The following TCF25 variants were observed in gnomAD, a reference collection of about 807,000 sequenced individuals.
The protein encoded by TCF25 is TCF25 ribosome quality control complex subunit, also known as ribosome quality control complex subunit TCF25.
In TCF25, 41 loss-of-function variants were observed where a neutral mutation model predicts 83.1. The observed-to-expected ratio is 0.49, with a 90% CI of 0.38 to 0.64. The LOEUF is 0.64. Among genes scored for constraint, TCF25 ranks in the 30% least tolerant of loss-of-function variants. The pLI is 0.00. For missense variants in TCF25, 979 were observed against 914.5 expected (o/e 1.07, Z -0.91); for synonymous variants, 458 against 365.0 (o/e 1.25, Z -2.90).
chr16:89,890,865 T>C (rs2043373523), intron 5 of TCF25, among the ~76,000 whole-genome samples: 1 of 152,170 alleles, frequency 6.6e-6, no homozygotes, highest in African/African-American at 2.4e-5. Context: ...TTTTTGTTTA[T>C]TTATTTCTTT....
At chr16:89,910,234 C>T (rs1176041842) in intron 16 of TCF25, 6 of 302,518 alleles carry the variant, frequency 2.0e-5, no homozygotes, top group East Asian at 7.9e-5. Flanking sequence ...TCTGCCTTTG[C>T]GTAAGGAGTG....
intron 2 of TCF25, among the ~76,000 whole-genome samples, chr16:89,884,338 G>A (rs1047159305): frequency 6.6e-6 from 1 of 152,162 alleles, no homozygotes; most frequent in Non-Finnish European, 1.5e-5. Flanking sequence ...ACCTGGTCAG[G>A]GTCCTGTGAG....
chr16:89,875,820 CTTTTTTTTTTTTTTT>C (rs1164528945), intron 1 of TCF25, among the ~76,000 whole-genome samples: 2 of 64,836 alleles, frequency 3.1e-5, no homozygotes, highest in African/African-American at 5.7e-5. Context: ...CTGCGCCTGG[CTTTTTTTTTTTTTTT>C]TTTTTTTTTT....
At chr16:89,904,828 C>T in intron 13 of TCF25, 110 bp from the exon 14 acceptor site, 1 of 1,369,752 alleles carries the variant, frequency 7.3e-7, no homozygotes, top group Non-Finnish European at 1.0e-6. Flanking sequence ...CACTCCAGGC[C>T]ACAGGGCACT....
At chr16:89,910,505 C>T in intron 16 of TCF25, 86 bp from the exon 17 acceptor site, 1 of 1,407,662 alleles carries the variant, frequency 7.1e-7, no homozygotes, top group Non-Finnish European at 1.0e-6. Flanking sequence ...GCGAGGGAGG[C>T]AGCTGGCAGG....
chr16:89,900,027 G>T (rs1005334007), intron 11 of TCF25, among the ~76,000 whole-genome samples: 16 of 152,222 alleles, frequency 1.1e-4, no homozygotes, highest in African/African-American at 3.6e-4. Flanking sequence ...TCACAAAAAT[G>T]TAGGTGCAGG....
At chr16:89,891,971 G>A (rs563861696) in intron 5 of TCF25, among the ~76,000 whole-genome samples, 282 of 152,178 alleles carry the variant, frequency 1.9e-3, no homozygotes, top group African/African-American at 6.2e-3. Flanking sequence ...TGCCCAGCCA[G>A]AATTGTTTCT....
chr16:89,895,304 T>C (rs2043763022), intron 8 of TCF25, among the ~76,000 whole-genome samples, 167 bp downstream of exon 8: 1 of 152,196 alleles, frequency 6.6e-6, no homozygotes. Flanking sequence ...TTTTGTTTGT[T>C]GGTGTTTAAT....
At chr16:89,899,353 C>T (rs1226126436) in intron 11 of TCF25, among the ~76,000 whole-genome samples, 1 of 152,180 alleles carries the variant, frequency 6.6e-6, no homozygotes, top group African/African-American at 2.4e-5. Flanking sequence ...CTAACACAGA[C>T]ACGTGTTGGA....
intron 8 of TCF25, 35 bp downstream of exon 8, chr16:89,895,172 G>A (rs1159386339): frequency 3.2e-6 from 5 of 1,586,144 alleles, no homozygotes; most frequent in Non-Finnish European, 4.3e-6. Context: ...CCCCTCAGCT[G>A]TGGGAGCACC....
At chr16:89,907,736 C>T (rs1226098442) in intron 16 of TCF25, among the ~76,000 whole-genome samples, 7 of 120,452 alleles carry the variant, frequency 5.8e-5, no homozygotes, top group East Asian at 2.5e-4. Flanking sequence ...CTTCCAGCTC[C>T]CGCCTCCCAC....
intron 12 of TCF25, 166 bp downstream of exon 12, chr16:89,900,960 C>T (rs184481014): frequency 2.8e-5 from 22 of 782,040 alleles, no homozygotes; most frequent in East Asian, 2.5e-4. Flanking sequence ...GAAAGAGGGT[C>T]GGCTCATCTC....
intron 13 of TCF25, chr16:89,904,579 A>C: frequency 2.1e-6 from 1 of 487,256 alleles, no homozygotes; most frequent in East Asian, 3.9e-5. Flanking sequence ...CCCCGTCTCA[A>C]AAAACAAAAT....
At chr16:89,910,292 AC>A in intron 16 of TCF25, 1 of 481,526 alleles carries the variant, frequency 2.1e-6, no homozygotes, top group Middle Eastern at 5.6e-4. Flanking sequence ...AAAGCAAGGC[AC>A]CTGTGCAGTG....
In TCF25 at chr16:89,906,123, G is replaced by C. The variant is rs553248557; in HGVS notation, c.1629-71G>C. Reference sequence around the variant, plus strand: ...CTCGTGCTGGGTGGGGGTGGGGGCCGAGGCTCCATGGCGGTTACCATTTCA... The same window carrying C: ...CTCGTGCTGGGTGGGGGTGGGGGCCCAGGCTCCATGGCGGTTACCATTTCA... On this transcript the variant is annotated intron_variant, in intron 14 of 17. Transcript: ENST00000263346. The C allele has an allele frequency of 4.4e-6, 6 of 1,374,384 alleles. No homozygotes were observed. In the East Asian group the frequency reaches 1.2e-4, roughly 28 times the overall value. 85.1% of individuals were successfully genotyped at this position (1,374,384 alleles called of 1,614,324 possible). A position where few individuals can be genotyped will look rare whatever the true frequency, so the allele number is the denominator to read the frequency against.
At position 89,904,224 on chromosome 16, in the gene TCF25, T is replaced by C. The variant is rs768359546; in HGVS notation, c.1469+19T>C. The C allele has an allele frequency of 6.4e-7, 1 of 1,554,084 alleles. No individual in the cohort carries two copies. The highest frequency in any genetic ancestry group is 1.2e-5 in the South Asian group (1 of 84,426). The stretch of plus-strand genomic sequence containing the variant: ...AAATAAGGTAAAGAGTGGCTGGTGG[T>C]GCCCATCTGTGGGTGCCTGTGGGTT... On this transcript the variant is annotated intron_variant, in intron 13 of 17. Coordinates refer to ENST00000263346, the MANE Select transcript of TCF25 (RefSeq NM_014972.3).
chr16:89,892,041 G>A (rs2043471850), intron 5 of TCF25, 152 bp from the exon 6 acceptor site: 1 of 609,714 alleles, frequency 1.6e-6, no homozygotes, highest in Non-Finnish European at 2.6e-6. Context: ...ACGCTTGTTT[G>A]CATCCTGTCC....
intron 1 of TCF25, among the ~76,000 whole-genome samples, chr16:89,875,190 A>T (rs73270371): frequency 0.042 from 6,369 of 152,184 alleles, 477 homozygotes; most frequent in African/African-American, 0.15. Flanking sequence ...AATTTTTGTC[A>T]ATGTAATTTG....
At position 89,906,186 on chromosome 16, in the gene TCF25, G is replaced by T. The variant is rs778079087; in HGVS notation, c.1629-8G>T. 2.5e-5 allele frequency: 40 copies of T among 1,612,482 alleles called. No homozygotes were observed. The highest frequency in any genetic ancestry group is 3.2e-5 in the Non-Finnish European group (38 of 1,179,688). ...TATCTGCTGTGCCTTGTTTCTCCCC[G>T]GCCCTAGGCGGAAGGTGCTCTACCA... On this transcript the variant is annotated splice_region_variant and splice_polypyrimidine_tract_variant and intron_variant, in intron 14 of 17. Coordinates refer to ENST00000263346, the MANE Select transcript of TCF25 (RefSeq NM_014972.3).
Sources: allele counts gnomAD v4.1 joint callset (sites outside exome capture counted in the v4.1 genomes callset), GRCh38; gene constraint gnomAD v4.1.1; transcripts MANE v1.5; gene names NCBI Gene and HGNC (gene_info 2026-07-23, HGNC 2026-07-21).